The following SAMD5 variants were observed in gnomAD, a reference collection of about 807,000 sequenced individuals.
SAMD5 encodes sterile alpha motif domain containing 5.
Under a neutral mutation model 11.3 loss-of-function variants are expected in SAMD5, and 13 were observed. The ratio of observed to expected loss-of-function variants is 1.15; its 90% CI spans 0.75 to 1.83. The LOEUF (loss-of-function observed/expected upper bound fraction) is 1.83. SAMD5 is among the 40% of genes most tolerant of loss of function. The pLI is 0.00. For missense variants in SAMD5, 255 were observed against 239.1 expected (o/e 1.07, Z -0.44); for synonymous variants, 129 against 111.3 (o/e 1.16, Z -1.00).
At chr6:147,540,950 T>G (rs1001694868) in intron 1 of SAMD5, among the ~76,000 whole-genome samples, 14 of 142,078 alleles carry the variant, frequency 9.9e-5, no homozygotes, top group African/African-American at 3.7e-4. Context: ...TTTTTTTTTT[T>G]TTTTTTTTTT....
At chr6:147,942,823 C>CTTTTTTT in the SAMD5 span, among the ~76,000 whole-genome samples, 100 of 128,812 alleles carry the variant, frequency 7.8e-4, no homozygotes, top group Non-Finnish European at 1.2e-3. Flanking sequence ...CCCAATGCTT[C>CTTTTTTT]TTTTTTTTTT....
chr6:147,908,446 T>A, the SAMD5 span, among the ~76,000 whole-genome samples: 1 of 152,142 alleles, frequency 6.6e-6, no homozygotes, highest in Non-Finnish European at 1.5e-5. Flanking sequence ...TTCTTTTTAT[T>A]GCCTTCTCTT....
chr6:147,942,753 T>C, the SAMD5 span, among the ~76,000 whole-genome samples: 1 of 151,988 alleles, frequency 6.6e-6, no homozygotes, highest in Admixed American at 6.6e-5. Flanking sequence ...TTCTTTCTGA[T>C]TACAATCTAA....
At chr6:147,808,087 A>G in the SAMD5 span, among the ~76,000 whole-genome samples, 1 of 152,268 alleles carries the variant, frequency 6.6e-6, no homozygotes, top group African/African-American at 2.4e-5. Flanking sequence ...ACAAGCTGGT[A>G]GCATCATCCT....
At chr6:147,898,441 A>C in the SAMD5 span, among the ~76,000 whole-genome samples, 1 of 152,214 alleles carries the variant, frequency 6.6e-6, no homozygotes, top group Non-Finnish European at 1.5e-5. Flanking sequence ...TGCTTAGGTC[A>C]GAACTGGTTT....
chr6:147,927,749 G>T, the SAMD5 span, among the ~76,000 whole-genome samples: 3 of 152,146 alleles, frequency 2.0e-5, no homozygotes, highest in African/African-American at 7.2e-5. Context: ...GCGCCAGTTT[G>T]CAAGGGGAAT....
At chr6:147,550,285 A>G (rs1583078287) in intron 1 of SAMD5, among the ~76,000 whole-genome samples, 1 of 152,240 alleles carries the variant, frequency 6.6e-6, no homozygotes, top group South Asian at 2.1e-4. Context: ...GGGAAAGGGA[A>G]CATTTATACT....
At chr6:147,915,998 G>A in the SAMD5 span, among the ~76,000 whole-genome samples, 15 of 149,388 alleles carry the variant, frequency 1.0e-4, no homozygotes, top group East Asian at 2.0e-4. Context: ...GAGAACATGC[G>A]GTGTTTGGTT....
At chr6:147,587,306 C>G (rs2128446855) in intron 1 of SAMD5, among the ~76,000 whole-genome samples, 1 of 152,228 alleles carries the variant, frequency 6.6e-6, no homozygotes, top group Non-Finnish European at 1.5e-5. Context: ...GACGTGATGG[C>G]TGCTCACTGC....
At chr6:147,678,922 C>T (rs550073655) in intron 1 of SAMD5, among the ~76,000 whole-genome samples, 144 of 152,214 alleles carry the variant, frequency 9.5e-4, no homozygotes, top group Non-Finnish European at 1.8e-3. Flanking sequence ...ACATATCCAT[C>T]GTCTCCAAAA....
downstream of SAMD5, among the ~76,000 whole-genome samples, chr6:147,739,037 A>G (rs536306814): frequency 6.6e-6 from 1 of 152,178 alleles, no homozygotes; most frequent in Admixed American, 6.5e-5. Context: ...TGGTGGTTTC[A>G]TCAGTGGTTT....
chr6:147,748,139 T>A, the SAMD5 span, among the ~76,000 whole-genome samples: 1 of 152,216 alleles, frequency 6.6e-6, no homozygotes, highest in African/African-American at 2.4e-5. Context: ...TGTTCAAAAA[T>A]TGCAGATTTA....
At chr6:147,915,420 A>AT in the SAMD5 span, among the ~76,000 whole-genome samples, 1 of 152,316 alleles carries the variant, frequency 6.6e-6, no homozygotes, top group South Asian at 2.1e-4. Context: ...TATTTAAAAC[A>AT]TTTTTTTAAA....
intron 1 of SAMD5, among the ~76,000 whole-genome samples, chr6:147,663,796 A>G: frequency 7.3e-6 from 1 of 137,296 alleles, no homozygotes; most frequent in Non-Finnish European, 1.6e-5. Context: ...TGTCTCAAAA[A>G]AAAAAAAAAA....
At chr6:147,703,489 A>C (rs1038498210) in intron 1 of SAMD5, among the ~76,000 whole-genome samples, 2 of 152,238 alleles carry the variant, frequency 1.3e-5, no homozygotes, top group African/African-American at 4.8e-5. Context: ...TTTGATAATG[A>C]AACACATTTC....
the SAMD5 span, among the ~76,000 whole-genome samples, chr6:147,818,900 A>G: frequency 1.3e-5 from 2 of 152,290 alleles, no homozygotes; most frequent in African/African-American, 4.8e-5. Flanking sequence ...ATTACATTTA[A>G]TTGTGGAAAG....
the SAMD5 span, among the ~76,000 whole-genome samples, chr6:147,943,402 A>G: frequency 6.6e-6 from 1 of 152,046 alleles, no homozygotes; most frequent in Non-Finnish European, 1.5e-5. Flanking sequence ...TTCTTCTCCC[A>G]TGAAAGCAGA....
Position 147,666,183 on chromosome 6 carries a change from C to T in SAMD5, c.163-71134C>T, listed in dbSNP as rs372418302. 5.3e-5 allele frequency among the ~76,000 whole-genome samples: 8 copies of T among 152,348 alleles called. No homozygotes were observed. The South Asian group carries it at 1.5e-3, about 28-fold the overall frequency. On this transcript the variant is annotated intron_variant, in intron 1 of 1. Coordinates refer to the SAMD5 transcript ENST00000566741. ...CCAACTCCTGACCTCGTGATCCGCC[C>T]GCCTCAGTCTCCCGAAGTGCTCGGA...
At chr6:147,865,933 A>C in the SAMD5 span, among the ~76,000 whole-genome samples, 1 of 152,210 alleles carries the variant, frequency 6.6e-6, no homozygotes, top group East Asian at 1.9e-4. Flanking sequence ...AATAGTAAGC[A>C]CAATATAATA....
Sources: allele counts gnomAD v4.1 joint callset (sites outside exome capture counted in the v4.1 genomes callset), GRCh38; gene constraint gnomAD v4.1.1; transcripts MANE v1.5; gene names NCBI Gene and HGNC (gene_info 2026-07-23, HGNC 2026-07-21).